The following TENM3 variants were observed in gnomAD, a reference collection of about 807,000 sequenced individuals.
TENM3 encodes teneurin-3.
A neutral mutation model predicts 255.1 loss-of-function variants in TENM3; 63 were observed. The observed-to-expected ratio is 0.25, with a 90% CI of 0.20 to 0.30. The LOEUF is 0.30. TENM3 is among the 10% of genes least tolerant of loss of function. TENM3 has a pLI of 1.00. For missense variants in TENM3, 2,929 were observed against 3,461.1 expected (o/e 0.85, Z 3.86); for synonymous variants, 1,306 against 1,322.3 (o/e 0.99, Z 0.27).
chr4:181,487,774 G>C, the TENM3 span, among the ~76,000 whole-genome samples: 1 of 152,074 alleles, frequency 6.6e-6, no homozygotes, highest in African/African-American at 2.4e-5. Context: ...GCATATCTGG[G>C]TGGTCCTGCC....
chr4:181,891,191 C>T, the TENM3 span, among the ~76,000 whole-genome samples: 4 of 152,102 alleles, frequency 2.6e-5, no homozygotes, highest in Admixed American at 2.0e-4. Context: ...AGCTCAAAAA[C>T]GTAAATTAGT....
chr4:182,506,922 G>C (rs1362735781), intron 3 of TENM3, among the ~76,000 whole-genome samples: 1 of 152,120 alleles, frequency 6.6e-6, no homozygotes, highest in Non-Finnish European at 1.5e-5. Context: ...GTGAATATAA[G>C]CATGTTAAGG....
chr4:181,829,007 G>T, the TENM3 span, among the ~76,000 whole-genome samples: 3 of 152,156 alleles, frequency 2.0e-5, no homozygotes, highest in African/African-American at 7.2e-5. Context: ...CACCACCCCA[G>T]CCAAGGTGAC....
intron 3 of TENM3, among the ~76,000 whole-genome samples, chr4:182,419,837 G>T (rs891229977): frequency 6.7e-6 from 1 of 150,080 alleles, no homozygotes; most frequent in South Asian, 2.2e-4. Flanking sequence ...ACTTGGACAC[G>T]GGGTGAGGAA....
chr4:182,374,325 T>C (rs1767036814), intron 3 of TENM3, among the ~76,000 whole-genome samples: 1 of 152,182 alleles, frequency 6.6e-6, no homozygotes, highest in Non-Finnish European at 1.5e-5. Flanking sequence ...TTCGTTGATA[T>C]CCCTTCTATT....
At chr4:181,682,927 A>G in the TENM3 span, among the ~76,000 whole-genome samples, 1 of 151,932 alleles carries the variant, frequency 6.6e-6, no homozygotes, top group Non-Finnish European at 1.5e-5. Flanking sequence ...CAACTTTTAG[A>G]ATAAGGCTAG....
chr4:182,552,000 G>A (rs1046472761), intron 3 of TENM3, among the ~76,000 whole-genome samples: 12 of 150,552 alleles, frequency 8.0e-5, no homozygotes, highest in African/African-American at 2.2e-4. Context: ...CACTCCAGCC[G>A]GGGTGACAGA....
At chr4:182,383,429 G>A (rs1014289381) in intron 3 of TENM3, among the ~76,000 whole-genome samples, 1 of 152,120 alleles carries the variant, frequency 6.6e-6, no homozygotes, top group African/African-American at 2.4e-5. Context: ...GAGAGTCTTT[G>A]TCAGTGTGAC....
the TENM3 span, among the ~76,000 whole-genome samples, chr4:181,659,636 A>G: frequency 6.6e-6 from 1 of 152,212 alleles, no homozygotes; most frequent in Non-Finnish European, 1.5e-5. Flanking sequence ...CCTGTTCTTG[A>G]ATTATATAAA....
chr4:182,082,030 G>A, the TENM3 span, among the ~76,000 whole-genome samples: 1 of 152,126 alleles, frequency 6.6e-6, no homozygotes, highest in African/African-American at 2.4e-5. Context: ...TACTTGCTTA[G>A]GGTTATTTAA....
intron 4 of TENM3, among the ~76,000 whole-genome samples, chr4:182,622,158 G>A (rs533179964): frequency 1.1e-3 from 172 of 151,956 alleles, no homozygotes; most frequent in Middle Eastern, 3.4e-3. Context: ...TCAGGAGTTC[G>A]AGACCAGCCT....
chr4:181,692,969 A>AAGGGGAATTCTGGACAGTTTGGGATCCC, the TENM3 span, among the ~76,000 whole-genome samples: 1 of 152,156 alleles, frequency 6.6e-6, no homozygotes, highest in Non-Finnish European at 1.5e-5. Context: ...AGGCACTGTG[A>AAGGGGAATTCTGGACAGTTTGGGATCCC]AGGGGAATTC....
chr4:181,958,148 G>A, the TENM3 span, among the ~76,000 whole-genome samples: 4 of 152,100 alleles, frequency 2.6e-5, no homozygotes, highest in East Asian at 7.7e-4. Context: ...TACTTAAAAT[G>A]GGAATTTTAA....
At chr4:181,981,202 G>A in the TENM3 span, among the ~76,000 whole-genome samples, 1 of 152,004 alleles carries the variant, frequency 6.6e-6, no homozygotes. Context: ...CAGCTGACGG[G>A]CTGTCTCGTC....
At position 182,655,843 on chromosome 4, in the gene TENM3, A is replaced by G. The variant is rs533646617; in HGVS notation, c.1111+1950A>G. 3.9e-5 allele frequency among the ~76,000 whole-genome samples: 6 copies of G among 152,306 alleles called. No individual in the cohort carries two copies. The South Asian group carries it at 1.0e-3, about 26-fold the overall frequency. ...AGCCAACATATACACACACATATAC[A>G]TATGTATCTGAAATATGCTTCCCAA... On this transcript the variant is annotated intron_variant, in intron 6 of 27. Coordinates refer to ENST00000511685, the MANE Select transcript of TENM3 (RefSeq NM_001080477.4).
At chr4:182,126,565 G>A in the TENM3 span, among the ~76,000 whole-genome samples, 1 of 152,150 alleles carries the variant, frequency 6.6e-6, no homozygotes, top group Non-Finnish European at 1.5e-5. Flanking sequence ...CAATCCAGAA[G>A]TATGTTTAGC....
At chr4:182,572,068 A>C (rs1018586774) in intron 3 of TENM3, among the ~76,000 whole-genome samples, 3 of 151,974 alleles carry the variant, frequency 2.0e-5, no homozygotes, top group African/African-American at 7.3e-5. Flanking sequence ...CGCCCGGCTC[A>C]TTTTTGTATT....
the TENM3 span, among the ~76,000 whole-genome samples, chr4:181,890,403 A>G: frequency 9.8e-4 from 150 of 152,286 alleles, no homozygotes; most frequent in African/African-American, 3.4e-3. Flanking sequence ...AGAAATATTT[A>G]TAAATAGGAA....
At chr4:182,412,964 T>C (rs1770101469) in intron 3 of TENM3, among the ~76,000 whole-genome samples, 1 of 151,172 alleles carries the variant, frequency 6.6e-6, no homozygotes, top group Non-Finnish European at 1.5e-5. Flanking sequence ...ATTCTTGAAA[T>C]GAAAAACAAT....
Sources: allele counts gnomAD v4.1 joint callset (sites outside exome capture counted in the v4.1 genomes callset), GRCh38; gene constraint gnomAD v4.1.1; transcripts MANE v1.5; gene names NCBI Gene and HGNC (gene_info 2026-07-23, HGNC 2026-07-21).